The following RBKS variants were observed in gnomAD, a reference collection of about 807,000 sequenced individuals.
The protein encoded by RBKS is ribokinase.
Under a neutral mutation model 33.9 loss-of-function variants are expected in RBKS, and 33 were observed. The ratio of observed to expected loss-of-function variants is 0.97; its 90% CI spans 0.74 to 1.30. The LOEUF (loss-of-function observed/expected upper bound fraction) is 1.30. RBKS is among the 50% of genes most tolerant of loss of function. RBKS has a pLI of 0.00. For missense variants in RBKS, 361 were observed against 392.6 expected (o/e 0.92, Z 0.68); for synonymous variants, 125 against 143.0 (o/e 0.87, Z 0.90).
chr2:27,881,122 G>A (rs1664409289), intron 1 of RBKS, among the ~76,000 whole-genome samples: 2 of 152,126 alleles, frequency 1.3e-5, no homozygotes, highest in African/African-American at 4.8e-5. Flanking sequence ...GCTGGTGTGT[G>A]CCTGCGGTTC....
chr2:27,818,539 C>T (rs905103475), intron 7 of RBKS, among the ~76,000 whole-genome samples: 9 of 152,192 alleles, frequency 5.9e-5, no homozygotes, highest in Admixed American at 5.9e-4. Context: ...TGCCAACTTA[C>T]CAGCTGTAGG....
chr2:27,808,850 T>C (rs1677939026), intron 7 of RBKS, among the ~76,000 whole-genome samples: 1 of 152,192 alleles, frequency 6.6e-6, no homozygotes, highest in South Asian at 2.1e-4. Context: ...CATTCCACCC[T>C]CGGCCCAAGC....
chr2:27,808,376 A>G (rs1430445309), intron 7 of RBKS, among the ~76,000 whole-genome samples: 1 of 152,218 alleles, frequency 6.6e-6, no homozygotes, highest in Non-Finnish European at 1.5e-5. Context: ...ATTTTTAAGA[A>G]AGAGTACAGA....
intron 7 of RBKS, among the ~76,000 whole-genome samples, chr2:27,787,318 GC>G: frequency 1.3e-5 from 2 of 152,262 alleles, no homozygotes; most frequent in East Asian, 3.9e-4. Context: ...TGTAGTCCTA[GC>G]TACCTGGGAG....
At chr2:27,789,574 AT>A (rs1245880904) in intron 7 of RBKS, among the ~76,000 whole-genome samples, 8 of 149,994 alleles carry the variant, frequency 5.3e-5, no homozygotes, top group Admixed American at 2.0e-4. Flanking sequence ...TTTTTAAAAA[AT>A]TTTTTTTGAG....
At chr2:27,801,984 ATATATATATTTTTTT>A (rs1677802212) in intron 7 of RBKS, among the ~76,000 whole-genome samples, 1 of 95,082 alleles carries the variant, frequency 1.1e-5, no homozygotes, top group African/African-American at 4.7e-5. Flanking sequence ...ATATATATAT[ATATATATATTTTTTT>A]TTTTTTTTTT....
chr2:27,794,038 G>A lies in RBKS; in HGVS notation c.796-12250C>T, dbSNP rs576120206. On this transcript the variant is annotated intron_variant, in intron 7 of 7. Coordinates refer to ENST00000302188, the MANE Select transcript of RBKS (RefSeq NM_022128.3). Reference sequence around the variant, plus strand: ...TTGGGGGCTGGGCGCGGTGGCTCATGCCTGTAATCCCAGCACTTTGGGAGG... The same window carrying A: ...TTGGGGGCTGGGCGCGGTGGCTCATACCTGTAATCCCAGCACTTTGGGAGG... Among the ~76,000 whole-genome samples the A allele has an allele frequency of 7.2e-5, 11 of 152,118 alleles. No individual in the cohort carries two copies. In the East Asian group the frequency reaches 1.9e-3, roughly 27 times the overall value.
intron 7 of RBKS, among the ~76,000 whole-genome samples, chr2:27,799,359 T>G (rs1677729566): frequency 6.6e-6 from 1 of 152,202 alleles, no homozygotes; most frequent in African/African-American, 2.4e-5. Context: ...GTACCCACGC[T>G]GAATGAGTCA....
chr2:27,882,292 CATTTT>C (rs1664434004), intron 1 of RBKS, among the ~76,000 whole-genome samples: 1 of 152,108 alleles, frequency 6.6e-6, no homozygotes, highest in African/African-American at 2.4e-5. Flanking sequence ...AGAAGACATA[CATTTT>C]ATTTTATTTG....
chr2:27,840,327 T>TACTTACACACACAC (rs1663457693), intron 5 of RBKS, among the ~76,000 whole-genome samples: 1 of 117,810 alleles, frequency 8.5e-6, no homozygotes, highest in Non-Finnish European at 1.8e-5. Context: ...GATGATGCAT[T>TACTTACACACACAC]ACACACACAC....
intron 7 of RBKS, 134 bp downstream of exon 7, chr2:27,827,433 G>T (rs1678332990): frequency 2.8e-6 from 2 of 706,598 alleles, no homozygotes; most frequent in East Asian, 3.1e-5. Context: ...TCCCCTGCCT[G>T]GTTGTTCTTC....
At chr2:27,832,126 T>C (rs1041237066) in intron 6 of RBKS, among the ~76,000 whole-genome samples, 4 of 133,414 alleles carry the variant, frequency 3.0e-5, no homozygotes, top group Admixed American at 2.8e-4. Context: ...TACCAGTTGA[T>C]AGATAGTCTG....
At chr2:27,807,226 C>T (rs1677912983) in intron 7 of RBKS, among the ~76,000 whole-genome samples, 1 of 152,328 alleles carries the variant, frequency 6.6e-6, no homozygotes, top group East Asian at 1.9e-4. Context: ...GAACACCTTG[C>T]ACAAATTTAC....
Position 27,865,512 on chromosome 2 carries a change from TG to T in RBKS, c.90-6942del, listed in dbSNP as rs1166233952. 2.6e-5 allele frequency among the ~76,000 whole-genome samples: 4 copies of T among 152,012 alleles called. No homozygotes were observed. The East Asian group carries it at 7.7e-4, about 29-fold the overall frequency. On this transcript the variant is annotated intron_variant, in intron 1 of 7. Transcript: ENST00000302188. ...TTTTCCTGCTTTCTTTTGGATTAAC[TG>T]TATTCCATTTTACGTTCCCTGTTTG... is the stretch of plus-strand genomic sequence containing the variant.
chr2:27,798,932 CAGT>C (rs891026984), intron 7 of RBKS, among the ~76,000 whole-genome samples: 2 of 152,164 alleles, frequency 1.3e-5, no homozygotes, highest in Non-Finnish European at 2.9e-5. Flanking sequence ...CGGAAACCAC[CAGT>C]CTCAGGCCCT....
chr2:27,864,587 CCT>C (rs1278143876), intron 1 of RBKS, among the ~76,000 whole-genome samples: 6 of 152,268 alleles, frequency 3.9e-5, no homozygotes, highest in African/African-American at 1.4e-4. Flanking sequence ...TCAAATGTTA[CCT>C]CTTTAGAGAG....
chr2:27,871,053 T>A (rs1664200822), intron 1 of RBKS, among the ~76,000 whole-genome samples: 1 of 152,228 alleles, frequency 6.6e-6, no homozygotes, highest in Admixed American at 6.5e-5. Flanking sequence ...GCCAGCTGAA[T>A]GAGGAACTTG....
intron 7 of RBKS, among the ~76,000 whole-genome samples, chr2:27,786,148 T>A (rs1677396600): frequency 6.6e-6 from 1 of 152,182 alleles, no homozygotes; most frequent in African/African-American, 2.4e-5. Flanking sequence ...CATATGTGTA[T>A]TTTTTTAAAG....
intron 7 of RBKS, among the ~76,000 whole-genome samples, chr2:27,820,584 T>C (rs1489507799): frequency 2.6e-5 from 4 of 152,034 alleles, no homozygotes; most frequent in East Asian, 1.9e-4. Flanking sequence ...TCTCTCTTTC[T>C]TTCTTTTTCT....
Sources: gnomAD v4.1 joint callset for allele counts (sites outside exome capture counted in the v4.1 genomes callset) on GRCh38, gnomAD v4.1.1 for gene constraint, MANE v1.5 for transcripts, NCBI Gene and HGNC (gene_info 2026-07-23, HGNC 2026-07-21) for gene names.